The following SPIDR variants were observed in gnomAD, a reference collection of about 807,000 sequenced individuals.
SPIDR encodes the protein DNA repair-scaffolding protein.
In SPIDR, 93 loss-of-function variants were observed where a neutral mutation model predicts 104.6. That is an observed-to-expected ratio of 0.89 (90% CI 0.75 to 1.06). SPIDR has a LOEUF of 1.06. SPIDR is among the 50% of genes least tolerant of loss of function. The pLI is 0.00. For missense variants in SPIDR, 1,154 were observed against 1,111.2 expected (o/e 1.04, Z -0.55); for synonymous variants, 431 against 416.9 (o/e 1.03, Z -0.41).
intron 8 of SPIDR, among the ~76,000 whole-genome samples, chr8:47,514,207 C>T (rs141219465): frequency 7.9e-5 from 12 of 152,302 alleles, no homozygotes; most frequent in African/African-American, 2.9e-4. Context: ...AATTGTCTGA[C>T]TCTGAAGTTA....
chr8:47,691,820 G>A (rs1038502513), intron 11 of SPIDR, among the ~76,000 whole-genome samples: 15 of 152,178 alleles, frequency 9.9e-5, no homozygotes, highest in African/African-American at 3.4e-4. Flanking sequence ...TTAGTATTCC[G>A]CTAGCTTGAC....
At chr8:47,589,372 AT>A (rs1288439849) in intron 8 of SPIDR, among the ~76,000 whole-genome samples, 3 of 151,212 alleles carry the variant, frequency 2.0e-5, no homozygotes, top group Non-Finnish European at 4.4e-5. Context: ...ATGCAAAAAA[AT>A]TTGCCGGGCA....
At chr8:47,506,407 G>C (rs1201288444) in intron 8 of SPIDR, among the ~76,000 whole-genome samples, 1 of 152,176 alleles carries the variant, frequency 6.6e-6, no homozygotes, top group Non-Finnish European at 1.5e-5. Flanking sequence ...TGTTTCTGCA[G>C]TTGGTTCCAC....
At chr8:47,639,310 A>G (rs1032253772) in intron 10 of SPIDR, among the ~76,000 whole-genome samples, 3 of 152,216 alleles carry the variant, frequency 2.0e-5, no homozygotes, top group Admixed American at 6.5e-5. Flanking sequence ...AGTCATAACA[A>G]TGAATATATA....
intron 14 of SPIDR, among the ~76,000 whole-genome samples, chr8:47,710,745 G>A (rs1363934604): frequency 1.3e-5 from 2 of 152,026 alleles, no homozygotes; most frequent in Non-Finnish European, 2.9e-5. Flanking sequence ...TGAGATTACA[G>A]GCATGAGCCA....
intron 5 of SPIDR, among the ~76,000 whole-genome samples, chr8:47,352,278 CAAA>C (rs35556300): frequency 2.3e-5 from 3 of 130,842 alleles, no homozygotes; most frequent in African/African-American, 3.2e-5. Context: ...TCCATCTCAA[CAAA>C]AAAAAAAAAA....
At chr8:47,599,320 T>A in intron 10 of SPIDR, 124 bp downstream of exon 10, 1 of 1,315,846 alleles carries the variant, frequency 7.6e-7, no homozygotes, top group Non-Finnish European at 1.0e-6. Context: ...GAGCTGTTTT[T>A]GTTTTTCCTT....
intron 8 of SPIDR, among the ~76,000 whole-genome samples, chr8:47,591,164 G>A (rs1164494357): frequency 1.3e-5 from 2 of 149,174 alleles, no homozygotes; most frequent in East Asian, 1.9e-4. Context: ...TAGGGCTTAA[G>A]TGTACCTTTT....
intron 2 of SPIDR, among the ~76,000 whole-genome samples, chr8:47,280,960 G>C (rs887376224): frequency 6.6e-6 from 1 of 152,186 alleles, no homozygotes; most frequent in East Asian, 1.9e-4. Context: ...CACAAGAAAT[G>C]CATGTTTACT....
intron 11 of SPIDR, among the ~76,000 whole-genome samples, chr8:47,684,275 C>G (rs937325091): frequency 6.6e-6 from 1 of 152,000 alleles, no homozygotes; most frequent in Non-Finnish European, 1.5e-5. Flanking sequence ...ACTCCACTAC[C>G]TACTCCCACA....
intron 6 of SPIDR, among the ~76,000 whole-genome samples, chr8:47,405,635 A>C (rs983172263): frequency 6.6e-6 from 1 of 152,192 alleles, no homozygotes; most frequent in Non-Finnish European, 1.5e-5. Flanking sequence ...TTTTATAGAA[A>C]AGATAATTAG....
chr8:47,286,383 C>T (rs2038854261), intron 3 of SPIDR, among the ~76,000 whole-genome samples: 1 of 152,088 alleles, frequency 6.6e-6, no homozygotes, highest in African/African-American at 2.4e-5. Context: ...GTAAATTCAC[C>T]TAAACATAAA....
At chr8:47,554,204 C>T (rs1453043352) in intron 8 of SPIDR, among the ~76,000 whole-genome samples, 2 of 152,160 alleles carry the variant, frequency 1.3e-5, no homozygotes, top group African/African-American at 4.8e-5. Flanking sequence ...GGTCAGGGAC[C>T]CACTTGAGGA....
At chr8:47,623,870 T>C (rs1258818104) in intron 10 of SPIDR, among the ~76,000 whole-genome samples, 1 of 152,170 alleles carries the variant, frequency 6.6e-6, no homozygotes, top group Admixed American at 6.5e-5. Flanking sequence ...TGAACTCAGC[T>C]CTGCACCAAG....
At chr8:47,626,085 A>T (rs578251587) in intron 10 of SPIDR, among the ~76,000 whole-genome samples, 44 of 152,312 alleles carry the variant, frequency 2.9e-4, no homozygotes, top group African/African-American at 1.1e-3. Flanking sequence ...ATAATGCCGC[A>T]TATCTACAAC....
At chr8:47,394,312 A>C (rs782143501) in intron 5 of SPIDR, among the ~76,000 whole-genome samples, 2 of 151,920 alleles carry the variant, frequency 1.3e-5, no homozygotes, top group African/African-American at 2.4e-5. Context: ...CAGCATTCCT[A>C]CCAGTGTTTC....
chr8:47,501,652 T>C (rs984938834), intron 8 of SPIDR, among the ~76,000 whole-genome samples: 5 of 152,332 alleles, frequency 3.3e-5, no homozygotes, highest in South Asian at 2.1e-4. Flanking sequence ...TCCTGCCTGA[T>C]TGCCCTGGCC....
At chr8:47,596,157 C>A in intron 9 of SPIDR, 151 bp downstream of exon 9, 1 of 642,342 alleles carries the variant, frequency 1.6e-6, no homozygotes, top group Non-Finnish European at 2.6e-6. Flanking sequence ...TACTGTTACG[C>A]CTGAATATAT....
chr8:47,440,234 G>A (rs1273237176), intron 7 of SPIDR, 89 bp from the exon 8 acceptor site: 2 of 1,173,416 alleles, frequency 1.7e-6, no homozygotes, highest in Non-Finnish European at 1.2e-6. Flanking sequence ...CTATCTGCAT[G>A]TGGATCTTTT....
Sources: gnomAD v4.1 joint callset for allele counts (sites outside exome capture counted in the v4.1 genomes callset) on GRCh38, gnomAD v4.1.1 for gene constraint, MANE v1.5 for transcripts, NCBI Gene and HGNC (gene_info 2026-07-23, HGNC 2026-07-21) for gene names.